Variants in EXTL3 observed in about 807,000 individuals in gnomAD.
EXTL3 encodes exostosin-like 3.
Under a neutral mutation model 69.3 loss-of-function variants are expected in EXTL3, and 27 were observed. The ratio of observed to expected loss-of-function variants is 0.39; its 90% CI spans 0.29 to 0.54. The LOEUF is 0.54. Among genes scored for constraint, EXTL3 ranks in the 20% least tolerant of loss-of-function variants. EXTL3 has a pLI of 0.69. For missense variants in EXTL3, 1,003 were observed against 1,231.8 expected, an observed-to-expected ratio of 0.81 and a Z score of 2.78; for synonymous variants, 511 against 499.4, an observed-to-expected ratio of 1.02 and a Z score of -0.31.
At chr8:28,724,828 T>TCC (rs1801376841) in intron 3 of EXTL3, among the ~76,000 whole-genome samples, 1 of 151,964 alleles carries the variant, frequency 6.6e-6, no homozygotes, top group Non-Finnish European at 1.5e-5. Flanking sequence ...GATGATGTAG[T>TCC]CCTCTTTCTA....
At position 28,731,345 on chromosome 8, in the gene EXTL3, G is replaced by A; in HGVS notation, c.2271G>A (p.Gly757=). The A allele has an allele frequency of 1.9e-6, 3 of 1,614,212 alleles. No individual in the cohort carries two copies. Residue 757 remains glycine, a synonymous_variant, in exon 4 of 7, where the codon GGG becomes GGA. Coordinates refer to ENST00000220562, the MANE Select transcript of EXTL3 (RefSeq NM_001440.4). The stretch of plus-strand genomic sequence containing the variant: ...TCCGCCATGACGAAATCATGTTTGG[G>A]TTCCGGTGAGAGACTAATTTCCAAT... ...AHLRHDEIMF[G]FRVWREARDR... is the part of the protein sequence containing the mutation.
chr8:28,612,109 T>C (rs550420641), intron 2 of EXTL3, among the ~76,000 whole-genome samples: 1 of 152,296 alleles, frequency 6.6e-6, no homozygotes, highest in South Asian at 2.1e-4. Context: ...GATGTTTAAA[T>C]CTCCTATCGT....
chr8:28,638,761 A>C (rs1402526701), intron 1 of EXTL3, among the ~76,000 whole-genome samples: 1 of 152,024 alleles, frequency 6.6e-6, no homozygotes, highest in Non-Finnish European at 1.5e-5. Context: ...CCTCCTGAGT[A>C]GCTGAGATTA....
Position 28,750,588 on chromosome 8 carries a change from C to G in EXTL3, c.2551-69C>G. The G allele has an allele frequency of 7.9e-7, 1 of 1,265,952 alleles. No individual in the cohort carries two copies. Among genetic ancestry groups the G allele is most frequent in the Non-Finnish European group, 1.2e-6 (1 of 868,126 alleles). 78.4% of individuals were successfully genotyped at this position (1,265,952 alleles called of 1,614,324 possible). A position where few individuals can be genotyped will look rare whatever the true frequency, so the allele number is the denominator to read the frequency against. ...CACCATGGACATGGGAGTGTGGGAT[C>G]GGCTCAGCTGCAAGGGTTCTGTCAG... On this transcript the variant is annotated intron_variant, in intron 6 of 6. Coordinates refer to ENST00000220562, the MANE Select transcript of EXTL3 (RefSeq NM_001440.4). This position sits in a 1 kb window ranked among gnomAD's most constrained non-coding sequence, Gnocchi z 5.2.
intron 1 of EXTL3, among the ~76,000 whole-genome samples, chr8:28,677,365 A>G (rs1807404830): frequency 6.6e-6 from 1 of 152,080 alleles, no homozygotes; most frequent in Non-Finnish European, 1.5e-5. Flanking sequence ...CACTGTGCCT[A>G]GGAGCCTTTG....
intron 1 of EXTL3, among the ~76,000 whole-genome samples, chr8:28,641,992 C>A (rs191756508): frequency 6.6e-6 from 1 of 151,948 alleles, no homozygotes; most frequent in South Asian, 2.1e-4. Context: ...CCCAACACCA[C>A]GCCCAGCTAA....
At chr8:28,643,566 T>C (rs1034120532) in intron 1 of EXTL3, among the ~76,000 whole-genome samples, 12 of 151,478 alleles carry the variant, frequency 7.9e-5, no homozygotes, top group East Asian at 5.9e-4. Context: ...AGGCGCCCGC[T>C]ACCACACCCG....
In EXTL3 at chr8:28,754,680, T is replaced by C. The variant is rs1453054493; in HGVS notation, c.*3814T>C. ...AGTCTATACCTGTCGAGTTGTGTCT[T>C]GGACTTACGGTCTGCCAAGGTGGTA... On this transcript the variant is annotated 3_prime_UTR_variant, in exon 7 of 7. Coordinates refer to ENST00000220562, the MANE Select transcript of EXTL3 (RefSeq NM_001440.4). 1 of 152,270 alleles carries C rather than the reference T, an allele frequency of 6.6e-6. No homozygotes were observed. The highest frequency in any genetic ancestry group is 1.9e-4 in the East Asian group (1 of 5,204). 9.4% of individuals were successfully genotyped at this position (152,270 alleles called of 1,614,324 possible).
chr8:28,628,496 C>G (rs2130557177), intron 1 of EXTL3, among the ~76,000 whole-genome samples: 1 of 152,348 alleles, frequency 6.6e-6, no homozygotes, highest in African/African-American at 2.4e-5. Context: ...TGCACCACTG[C>G]TCCAGCCTGG....
At chr8:28,632,680 A>G (rs1299198439) in intron 1 of EXTL3, among the ~76,000 whole-genome samples, 2 of 151,078 alleles carry the variant, frequency 1.3e-5, no homozygotes, top group African/African-American at 2.4e-5. Flanking sequence ...CAGCCTTCGA[A>G]ATAGCAGGGA....
At chr8:28,619,311 A>AAAAAAAAAAAAAAAAAAAC (rs1478312916), upstream of EXTL3, among the ~76,000 whole-genome samples, 2 of 121,472 alleles carry the variant, frequency 1.6e-5, no homozygotes, top group Non-Finnish European at 1.6e-5. Flanking sequence ...AAAAAAAAAA[A>AAAAAAAAAAAAAAAAAAAC]AAAACCCTGT....
In EXTL3 at chr8:28,749,412, TGAAAA is replaced by T. The variant is rs2130803915; in HGVS notation, c.2551-1238_2551-1234del. ...ATGGGATAAAAAGATCAGACTTAGGTGAAAAGAAAAGGAAGTAGAAGATAAATTTA... is the reference window on the plus strand; with the variant it reads ...ATGGGATAAAAAGATCAGACTTAGGTGAAAAGGAAGTAGAAGATAAATTTA... On this transcript the variant is annotated intron_variant, in intron 6 of 6. Coordinates refer to ENST00000220562, the MANE Select transcript of EXTL3 (RefSeq NM_001440.4). Among the ~76,000 whole-genome samples the T allele has an allele frequency of 2.6e-5, 4 of 152,240 alleles. No individual in the cohort carries two copies. The South Asian group carries it at 8.3e-4, about 32-fold the overall frequency.
chr8:28,696,062 C>T (rs919717315), intron 1 of EXTL3: 1 of 152,092 alleles, frequency 6.6e-6, no homozygotes, highest in African/African-American at 2.4e-5. Flanking sequence ...CCATGCCAGG[C>T]TTTTAAAAAT....
intron 1 of EXTL3, among the ~76,000 whole-genome samples, chr8:28,692,021 C>A (rs1800623421): frequency 6.6e-6 from 1 of 152,066 alleles, no homozygotes; most frequent in Non-Finnish European, 1.5e-5. Context: ...TTTTAAAAAG[C>A]TTTCATAGTT....
chr8:28,634,929 C>T (rs1274138432), intron 1 of EXTL3, among the ~76,000 whole-genome samples: 1 of 151,996 alleles, frequency 6.6e-6, no homozygotes, highest in Non-Finnish European at 1.5e-5. Context: ...TACCTCCTAT[C>T]CTACCACCTG....
intron 1 of EXTL3, among the ~76,000 whole-genome samples, chr8:28,679,153 A>C (rs1287251942): frequency 1.3e-5 from 2 of 152,208 alleles, no homozygotes; most frequent in Non-Finnish European, 2.9e-5. Context: ...CCGTTTTAAG[A>C]ATGTCCAGTC....
At chr8:28,620,338 A>T (rs1373200840), upstream of EXTL3, among the ~76,000 whole-genome samples, 2 of 152,040 alleles carry the variant, frequency 1.3e-5, no homozygotes, top group South Asian at 2.1e-4. Context: ...TGGTCAGGCT[A>T]ACTGAGAGAG....
At position 28,716,563 on chromosome 8, in the gene EXTL3, C is replaced by G; in HGVS notation, c.504C>G (p.Leu168=). The change falls in exon 3 of 7, where the codon CTC becomes CTG. Residue 168 remains leucine (L), a synonymous_variant. Coordinates refer to ENST00000220562, the MANE Select transcript of EXTL3 (RefSeq NM_001440.4). This position sits in a 1 kb window ranked among gnomAD's most constrained non-coding sequence, Gnocchi z 7.1. ...RLLPEKDDAG[L]PPPKATRGCR... is the part of the protein sequence containing the mutation. ...TCCCAGAGAAGGACGATGCCGGCCT[C>G]CCTCCCCCGAAGGCCACTCGGGGCT... is the stretch of plus-strand genomic sequence containing the variant. The G allele has an allele frequency of 6.2e-7, 1 of 1,614,192 alleles. No homozygotes were observed. Among genetic ancestry groups the G allele is most frequent in the Non-Finnish European group, 8.5e-7 (1 of 1,180,044 alleles).
intron 1 of EXTL3, among the ~76,000 whole-genome samples, chr8:28,702,916 T>G (rs1800842247): frequency 1.3e-5 from 2 of 152,332 alleles, no homozygotes; most frequent in East Asian, 3.9e-4. Flanking sequence ...ATACAGTGAC[T>G]ATCGCTGTGA....
Sources: gnomAD v4.1 joint callset for allele counts (sites outside exome capture counted in the v4.1 genomes callset) on GRCh38, gnomAD v4.1.1 for gene constraint, Gnocchi (gnomAD v3.1) non-coding constraint, MANE v1.5 for transcripts, NCBI Gene and HGNC (gene_info 2026-07-23, HGNC 2026-07-21) for gene names.